Variants in NOX4 observed in about 807,000 individuals in gnomAD.
NOX4 encodes the protein kidney oxidase-1.
Under a neutral mutation model 87.6 loss-of-function variants are expected in NOX4, and 69 were observed. The observed-to-expected ratio is 0.79, with a 90% confidence interval of 0.65 to 0.96. The LOEUF is 0.96. NOX4 is among the 40% of genes least tolerant of loss of function. The probability of loss-of-function intolerance (pLI) is 0.00; values close to 1 mark genes in which losing one functional copy is unlikely to be tolerated. For synonymous variants in NOX4, 275 were observed against 238.2 expected (o/e 1.15, Z -1.42); for missense variants, 680 against 681.5 (o/e 1.00, Z 0.02).
the NOX4 span, among the ~76,000 whole-genome samples, chr11:89,518,582 A>G: frequency 2.1e-4 from 32 of 152,164 alleles, no homozygotes; most frequent in East Asian, 5.8e-3. Context: ...GGTGAACTCT[A>G]TTCCTTTGAC....
chr11:89,582,370 T>C, the NOX4 span, among the ~76,000 whole-genome samples: 1 of 152,112 alleles, frequency 6.6e-6, no homozygotes, highest in African/African-American at 2.4e-5. Flanking sequence ...CTCTCCAAGA[T>C]CCTGACTTCA....
chr11:89,500,403 A>G (rs904442768), upstream of NOX4, among the ~76,000 whole-genome samples: 1 of 152,140 alleles, frequency 6.6e-6, no homozygotes, highest in African/African-American at 2.4e-5. Flanking sequence ...AAATGTCTTC[A>G]TATCAGTGGA....
At chr11:89,485,520 G>T (rs190680641) in intron 2 of NOX4, among the ~76,000 whole-genome samples, 1 of 151,754 alleles carries the variant, frequency 6.6e-6, no homozygotes, top group African/African-American at 2.4e-5. Context: ...TGTAAAAAAC[G>T]CAACTCAAAA....
At chr11:89,549,217 T>C in the NOX4 span, among the ~76,000 whole-genome samples, 1 of 152,106 alleles carries the variant, frequency 6.6e-6, no homozygotes, top group Non-Finnish European at 1.5e-5. Context: ...AAAATGTCAC[T>C]GTGTGTTATT....
intron 6 of NOX4, among the ~76,000 whole-genome samples, chr11:89,437,718 C>G (rs958441073): frequency 1.3e-5 from 2 of 152,014 alleles, no homozygotes; most frequent in African/African-American, 4.8e-5. Flanking sequence ...AGAAGCTCAC[C>G]TACAAGTGGA....
At chr11:89,499,739 C>A (rs561009706), upstream of NOX4, among the ~76,000 whole-genome samples, 7 of 152,170 alleles carry the variant, frequency 4.6e-5, no homozygotes, top group South Asian at 2.1e-4. Flanking sequence ...TATCTGTCTT[C>A]CCCATGGGAA....
In NOX4 at chr11:89,324,847, T is replaced by TG. The variant is rs1326363072; in HGVS notation, c.*1908dup. 6.6e-6 allele frequency: 1 copy of TG among 152,178 alleles called. No homozygotes were observed. The highest frequency in any genetic ancestry group is 1.5e-5 in the Non-Finnish European group (1 of 68,028). 9.4% of individuals were successfully genotyped at this position (152,178 alleles called of 1,614,324 possible). On this transcript the variant is annotated 3_prime_UTR_variant, in exon 18 of 18. Transcript: ENST00000263317. ...CATTCCACATTTCCTATCACTTTTT[T>TG]GGGTTCATCTTCTTTCCATAGAAAG...
intron 7 of NOX4, among the ~76,000 whole-genome samples, chr11:89,430,650 A>T (rs1426826360): frequency 6.6e-6 from 1 of 152,186 alleles, no homozygotes; most frequent in Non-Finnish European, 1.5e-5. Context: ...CTTACAAGGG[A>T]TGTGAAGGAC....
intron 2 of NOX4, among the ~76,000 whole-genome samples, chr11:89,485,377 TATA>T (rs1946551834): frequency 6.6e-6 from 1 of 152,160 alleles, no homozygotes; most frequent in African/African-American, 2.4e-5. Context: ...GAGGGAAAAA[TATA>T]ATATATATAA....
chr11:89,497,946 C>G (rs1175715691), intron 1 of NOX4: 2 of 152,146 alleles, frequency 1.3e-5, no homozygotes, highest in Non-Finnish European at 2.9e-5. Context: ...ATCCTGTTTT[C>G]TCACATTTCC....
At chr11:89,451,682 C>T in intron 3 of NOX4, 103 bp downstream of exon 3, 1 of 742,392 alleles carries the variant, frequency 1.3e-6, no homozygotes, top group Non-Finnish European at 2.4e-6. Context: ...TACAAGAAAT[C>T]ACTCCAGTCA....
intron 2 of NOX4, among the ~76,000 whole-genome samples, chr11:89,454,860 A>G (rs1028621287): frequency 1.3e-5 from 2 of 152,256 alleles, no homozygotes; most frequent in East Asian, 1.9e-4. Context: ...ATTATACTCA[A>G]TTTACAGATG....
At chr11:89,395,061 C>T (rs893399831) in intron 11 of NOX4, among the ~76,000 whole-genome samples, 8 of 152,124 alleles carry the variant, frequency 5.3e-5, no homozygotes, top group Admixed American at 4.6e-4. Context: ...AGTTCTAGAT[C>T]TCTGAGGAAT....
the NOX4 span, chr11:89,545,097 C>T: frequency 6.6e-6 from 1 of 152,094 alleles, no homozygotes; most frequent in Admixed American, 6.6e-5. Flanking sequence ...AGAAGGAAAC[C>T]AAAATAGCTT....
chr11:89,536,202 A>T, the NOX4 span, among the ~76,000 whole-genome samples: 1 of 123,138 alleles, frequency 8.1e-6, no homozygotes, highest in Non-Finnish European at 1.6e-5. Flanking sequence ...GCTGGTGTGC[A>T]GTGGCGCGAT....
Position 89,402,361 on chromosome 11 carries a change from T to C in NOX4, c.811A>G (p.Met271Val), listed in dbSNP as rs975262350. The change falls in exon 9 of 18, where the codon ATG becomes GTG. Residue 271 changes from methionine (M) to valine (V), a missense_variant. By Grantham distance (21) the Met-to-Val change is conservative. Transcript: ENST00000263317. Reference protein sequence around the residue: ...FTQHKFVKICMEEPRFQANFP... With the variant: ...FTQHKFVKICVEEPRFQANFP... ...TTAGCTTGGAATCTGGGCTCTTCCA[T>C]ACAAATCTTCACAAATTTGTGCTGG... is the stretch of plus-strand genomic sequence containing the variant. 49 of 1,613,260 alleles carry C rather than the reference T, an allele frequency of 3.0e-5. 1 individual carries two copies. Among genetic ancestry groups the C allele is most frequent in the Middle Eastern group, 3.3e-4 (2 of 6,054 alleles).
intron 2 of NOX4, among the ~76,000 whole-genome samples, chr11:89,459,369 A>G (rs1194932498): frequency 6.6e-6 from 1 of 152,162 alleles, no homozygotes; most frequent in East Asian, 1.9e-4. Context: ...GGTGAAAAAA[A>G]TAATCTGTAC....
At chr11:89,405,115 T>TGTGTGTGTGTGTGTGTGTGTGTG (rs58137988) in intron 8 of NOX4, among the ~76,000 whole-genome samples, 43 of 149,994 alleles carry the variant, frequency 2.9e-4, no homozygotes, top group Non-Finnish European at 4.3e-4. Flanking sequence ...TGTGTGTGTG[T>TGTGTGTGTGTGTGTGTGTGTGTG]TGGAATGGGG....
chr11:89,519,800 G>C, the NOX4 span, among the ~76,000 whole-genome samples: 1 of 152,000 alleles, frequency 6.6e-6, no homozygotes, highest in Admixed American at 6.6e-5. Context: ...TATCAGGTCT[G>C]TCTGATTCTC....
Sources: allele counts gnomAD v4.1 joint callset (sites outside exome capture counted in the v4.1 genomes callset), GRCh38; gene constraint gnomAD v4.1.1; transcripts MANE v1.5; gene names NCBI Gene and HGNC (gene_info 2026-07-23, HGNC 2026-07-21).